C7: variants seen among roughly 807,000 people sequenced by gnomAD.
The protein encoded by C7 is complement C7, also known as complement component C7.
A neutral mutation model predicts 104.8 loss-of-function variants in C7; 83 were observed. The observed-to-expected ratio is 0.79, with a 90% CI of 0.66 to 0.95. The LOEUF is 0.95. Ranked by LOEUF, C7 falls within the 40% of genes least tolerant of loss-of-function variation. The pLI is 0.00. For missense variants in C7, 1,070 were observed against 1,011.2 expected (o/e 1.06, Z -0.79); for synonymous variants, 415 against 360.6 (o/e 1.15, Z -1.71).
At chr5:40,978,873 A>ATTTT (rs372551834) in intron 16 of C7, among the ~76,000 whole-genome samples, 3,631 of 79,780 alleles carry the variant, frequency 0.046, 203 homozygotes, top group African/African-American at 0.1. Context: ...TTTTATGGAA[A>ATTTT]TTTTTTTTTT....
chr5:40,974,388 T>A (rs1282933623), intron 15 of C7, among the ~76,000 whole-genome samples: 14 of 83,528 alleles, frequency 1.7e-4, no homozygotes, highest in African/African-American at 5.0e-4. Context: ...AATTCTATCG[T>A]TTTTTTTTTT....
chr5:40,956,748 C>G (rs1467680949), intron 10 of C7, among the ~76,000 whole-genome samples: 6 of 152,248 alleles, frequency 3.9e-5, no homozygotes, highest in African/African-American at 1.4e-4. Context: ...CCCCTCCTAA[C>G]ACCCATAAAT....
At chr5:40,952,071 A>G (rs1166315174) in intron 9 of C7, among the ~76,000 whole-genome samples, 4 of 152,230 alleles carry the variant, frequency 2.6e-5, no homozygotes, top group African/African-American at 9.6e-5. Flanking sequence ...CTTTGAGAAG[A>G]TGTTGACATC....
chr5:40,953,151 G>A (rs965055361), intron 9 of C7, among the ~76,000 whole-genome samples: 6 of 152,056 alleles, frequency 3.9e-5, no homozygotes, highest in Admixed American at 2.6e-4. Flanking sequence ...CAATGAAGAC[G>A]AGGAAGCATC....
intron 16 of C7, 59 bp from the exon 17 acceptor site, chr5:40,979,666 C>T (rs1364289955): frequency 2.5e-5 from 36 of 1,434,238 alleles, no homozygotes; most frequent in Non-Finnish European, 3.4e-5. Context: ...TTTCATTTCT[C>T]CTTCTCAGCT....
chr5:40,936,877 G>A (rs949082842), intron 5 of C7, among the ~76,000 whole-genome samples: 4 of 152,156 alleles, frequency 2.6e-5, no homozygotes, highest in African/African-American at 9.7e-5. Flanking sequence ...AGAACAGGAT[G>A]AGAAGAGAGA....
At chr5:40,911,491 G>C (rs777632491) in intron 1 of C7, among the ~76,000 whole-genome samples, 1 of 152,148 alleles carries the variant, frequency 6.6e-6, no homozygotes, top group African/African-American at 2.4e-5. Flanking sequence ...CATTTGTTCC[G>C]TCCCTCCAGG....
At chr5:40,932,065 C>G (rs1216867860) in intron 3 of C7, among the ~76,000 whole-genome samples, 3 of 152,056 alleles carry the variant, frequency 2.0e-5, no homozygotes, top group Admixed American at 6.6e-5. Flanking sequence ...GCCAATTCTA[C>G]CATTTAGAAG....
At chr5:40,978,023 A>G (rs1032313188) in intron 16 of C7, among the ~76,000 whole-genome samples, 2 of 151,654 alleles carry the variant, frequency 1.3e-5, no homozygotes, top group African/African-American at 4.8e-5. Context: ...AGTCCCAGCT[A>G]CTCAGGAGAC....
intron 9 of C7, among the ~76,000 whole-genome samples, chr5:40,954,100 T>C (rs1043968857): frequency 2.6e-5 from 4 of 152,136 alleles, no homozygotes; most frequent in African/African-American, 9.7e-5. Context: ...GAAAAGAAGC[T>C]TCCATTAGCA....
Position 40,964,889 on chromosome 5 carries a change from T to C in C7, c.1882+16T>C. ...CATTGTCAGAGTGAGTGGCGTCAGT[T>C]GTATATAATTTAAGATGAGAAAATT... is the stretch of plus-strand genomic sequence containing the variant. On this transcript the variant is annotated intron_variant, in intron 14 of 17. Transcript: ENST00000313164. 1 of 1,612,600 alleles carries C rather than the reference T, an allele frequency of 6.2e-7. No homozygotes were observed. Among genetic ancestry groups the C allele is most frequent in the Non-Finnish European group, 8.5e-7 (1 of 1,179,372 alleles).
chr5:40,909,979 T>TA (rs1366669396), intron 1 of C7, among the ~76,000 whole-genome samples: 1 of 151,402 alleles, frequency 6.6e-6, no homozygotes, highest in Non-Finnish European at 1.5e-5. Flanking sequence ...GGTGTATTTT[T>TA]TTTTTTTTTT....
At chr5:40,918,096 C>T (rs919571773) in intron 1 of C7, among the ~76,000 whole-genome samples, 7 of 152,012 alleles carry the variant, frequency 4.6e-5, no homozygotes, top group South Asian at 2.1e-4. Flanking sequence ...TCAAAGAATA[C>T]CACTATTGAA....
intron 2 of C7, among the ~76,000 whole-genome samples, chr5:40,930,235 G>A (rs1040378240): frequency 1.6e-4 from 19 of 120,614 alleles, no homozygotes; most frequent in African/African-American, 4.6e-4. Context: ...AGATGGAGTC[G>A]CCCTCTGTCA....
chr5:40,936,688 C>A (rs1739824903), intron 5 of C7, among the ~76,000 whole-genome samples: 1 of 152,078 alleles, frequency 6.6e-6, no homozygotes, highest in South Asian at 2.1e-4. Context: ...CAGAGTGACC[C>A]CTTGTCCTGG....
chr5:40,952,572 G>C (rs1018974454), intron 9 of C7, among the ~76,000 whole-genome samples: 8 of 151,838 alleles, frequency 5.3e-5, no homozygotes, highest in Admixed American at 2.0e-4. Flanking sequence ...GTATACATGT[G>C]CCATGTTGGT....
At chr5:40,915,225 A>G (rs1739295148) in intron 1 of C7, among the ~76,000 whole-genome samples, 1 of 152,184 alleles carries the variant, frequency 6.6e-6, no homozygotes. Context: ...ACCAGACTCC[A>G]ACTGGATCAG....
At chr5:40,955,640 A>G (rs978302304) in intron 10 of C7, 87 bp downstream of exon 10, 119 of 1,207,286 alleles carry the variant, frequency 9.9e-5, no homozygotes, top group Admixed American at 6.7e-4. Context: ...AGATGGTTAA[A>G]CAGACATGGC....
chr5:40,957,643 C>T (rs772429541), intron 10 of C7, among the ~76,000 whole-genome samples: 15 of 151,864 alleles, frequency 9.9e-5, no homozygotes, highest in African/African-American at 1.5e-4. Flanking sequence ...TTAGTAGAGA[C>T]GGGGTTTCTC....
Sources: gnomAD v4.1 joint callset for allele counts (sites outside exome capture counted in the v4.1 genomes callset) on GRCh38, gnomAD v4.1.1 for gene constraint, MANE v1.5 for transcripts, NCBI Gene and HGNC (gene_info 2026-07-23, HGNC 2026-07-21) for gene names.